The following SLIT3 variants were observed in gnomAD, a reference collection of about 807,000 sequenced individuals.
SLIT3 encodes slit homolog 3 protein.
In SLIT3, 68 loss-of-function variants were observed where a neutral mutation model predicts 184.0. That is an observed-to-expected ratio of 0.37 (90% confidence interval 0.30 to 0.45). The LOEUF (loss-of-function observed/expected upper bound fraction) is 0.45, where lower values mean the gene tolerates loss of function less well. Ranked by LOEUF, SLIT3 falls within the 20% of genes least tolerant of loss-of-function variation. SLIT3 has a pLI of 1.00. For missense variants in SLIT3, 1,707 were observed against 2,026.0 expected (o/e 0.84, Z 3.02); for synonymous variants, 831 against 828.6 (o/e 1.00, Z -0.05).
rs150346852 is a variant in SLIT3, at chr5:168,851,882, G to C, written c.486-7227C>G. Among the ~76,000 whole-genome samples, 5 of 152,288 alleles carry C rather than the reference G, an allele frequency of 3.3e-5. No individual in the cohort carries two copies. The East Asian group carries it at 9.6e-4, about 29-fold the overall frequency. On this transcript the variant is annotated intron_variant, in intron 5 of 35. Coordinates refer to ENST00000519560, the MANE Select transcript of SLIT3 (RefSeq NM_003062.4). ...ACTCGCAAACCCAGCTTTCAGTTCTGTTGGCTCTAAAAGGCTCCTCACTGC... is the reference window on the plus strand; with the variant it reads ...ACTCGCAAACCCAGCTTTCAGTTCTCTTGGCTCTAAAAGGCTCCTCACTGC...
At chr5:169,083,837 T>G (rs895271294) in intron 4 of SLIT3, among the ~76,000 whole-genome samples, 2 of 152,166 alleles carry the variant, frequency 1.3e-5, no homozygotes, top group Non-Finnish European at 2.9e-5. Context: ...GTCTGGCAAT[T>G]AAAGAGGAAG....
Position 168,817,406 on chromosome 5 carries a change from C to T in SLIT3, c.687G>A (p.Trp229Ter). The change falls in exon 8 of 36, where the codon TGG (tryptophan) becomes TGA (stop). Residue 229 changes from tryptophan (W) to a stop codon, truncating the protein, a stop_gained. Coordinates refer to ENST00000519560, the MANE Select transcript of SLIT3 (RefSeq NM_003062.4). LOFTEE classifies it high-confidence loss of function. ...GGCCAACTGTCCGTCGCTGTCGCAG[C>T]CAATCCGAGAGCCAGGCCAGGTGGC... ...CDCHLAWLSDWLRQRRTVGQF... is the reference protein window; with the variant it reads ...CDCHLAWLSD The T allele has an allele frequency of 6.2e-7, 1 of 1,614,228 alleles. No homozygotes were observed. Among genetic ancestry groups the T allele is most frequent in the Non-Finnish European group, 8.5e-7 (1 of 1,180,036 alleles).
At chr5:168,785,558 G>C (rs1756123933) in intron 12 of SLIT3, among the ~76,000 whole-genome samples, 1 of 152,216 alleles carries the variant, frequency 6.6e-6, no homozygotes, top group African/African-American at 2.4e-5. Flanking sequence ...GGATGTTTTA[G>C]TTCCTTACAT....
chr5:168,847,199 T>TTTTATATTTTATATA (rs1402033140), intron 5 of SLIT3, among the ~76,000 whole-genome samples: 12 of 152,262 alleles, frequency 7.9e-5, no homozygotes, highest in Non-Finnish European at 1.6e-4. Flanking sequence ...AGCTTTACTA[T>TTTTATATTTTATATA]AAGCATCTCT....
chr5:168,678,802 C>T (rs193207451), intron 32 of SLIT3, among the ~76,000 whole-genome samples: 42 of 152,242 alleles, frequency 2.8e-4, no homozygotes, highest in Admixed American at 2.4e-3. Context: ...TAGTAACAAC[C>T]TAAGGTTCAC....
chr5:169,043,117 A>G (rs1297478386), intron 4 of SLIT3, among the ~76,000 whole-genome samples: 1 of 152,182 alleles, frequency 6.6e-6, no homozygotes, highest in African/African-American at 2.4e-5. Context: ...TTACTTCTCA[A>G]AACAGCCCTG....
intron 32 of SLIT3, among the ~76,000 whole-genome samples, chr5:168,675,403 A>G (rs1477425515): frequency 6.6e-6 from 1 of 152,206 alleles, no homozygotes; most frequent in Non-Finnish European, 1.5e-5. Flanking sequence ...AAATTGGGGT[A>G]TACTGAAGAA....
At chr5:169,157,835 A>G (rs920773221) in intron 4 of SLIT3, among the ~76,000 whole-genome samples, 18 of 152,204 alleles carry the variant, frequency 1.2e-4, no homozygotes, top group African/African-American at 4.3e-4. Context: ...AACAAAGAAA[A>G]AAGAACCAAA....
At chr5:169,231,982 C>T (rs1224895563) in intron 3 of SLIT3, among the ~76,000 whole-genome samples, 1 of 152,180 alleles carries the variant, frequency 6.6e-6, no homozygotes, top group Non-Finnish European at 1.5e-5. Flanking sequence ...GTCCAAAACT[C>T]TCACCCATTT....
chr5:168,709,720 G>C (rs1488505324), intron 25 of SLIT3, among the ~76,000 whole-genome samples: 8 of 146,326 alleles, frequency 5.5e-5, no homozygotes, highest in Admixed American at 5.3e-4. Context: ...TAAGTATTAA[G>C]CCTCTCAGAG....
intron 4 of SLIT3, among the ~76,000 whole-genome samples, chr5:169,178,364 T>TA (rs1319054085): frequency 6.6e-6 from 1 of 152,182 alleles, no homozygotes; most frequent in Non-Finnish European, 1.5e-5. Flanking sequence ...TCTCCAATTG[T>TA]AAAATGAGGG....
chr5:168,938,316 T>C (rs1762224253), intron 4 of SLIT3, among the ~76,000 whole-genome samples: 1 of 152,222 alleles, frequency 6.6e-6, no homozygotes, highest in Non-Finnish European at 1.5e-5. Flanking sequence ...TGGATAAATC[T>C]CTAACTTTCA....
rs150270070 is a variant in SLIT3, at chr5:169,097,892, G to C, written c.413+95587C>G. ...CAGTCCGTTTCATGCCAACTGAAAA[G>C]CTGAGACCTGCCAAGGCCTGAGCTT... On this transcript the variant is annotated intron_variant, in intron 4 of 35. Transcript: ENST00000519560. Among the ~76,000 whole-genome samples, 1,093 of 152,344 alleles carry C rather than the reference G, an allele frequency of 7.2e-3. 10 individuals carry two copies. The highest frequency in any genetic ancestry group is 0.012 in the Non-Finnish European group (817 of 68,024).
At chr5:169,060,010 A>T (rs1229266970) in intron 4 of SLIT3, among the ~76,000 whole-genome samples, 1 of 152,250 alleles carries the variant, frequency 6.6e-6, no homozygotes, top group East Asian at 1.9e-4. Flanking sequence ...CACAGAAAGA[A>T]GCCAGCCATC....
chr5:169,149,039 G>T (rs1048756559), intron 4 of SLIT3, among the ~76,000 whole-genome samples: 1 of 152,112 alleles, frequency 6.6e-6, no homozygotes, highest in Non-Finnish European at 1.5e-5. Flanking sequence ...TGCATGACCC[G>T]CCAAAAGCTA....
chr5:169,190,452 T>C (rs1763516596), intron 4 of SLIT3, among the ~76,000 whole-genome samples: 1 of 152,212 alleles, frequency 6.6e-6, no homozygotes, highest in Non-Finnish European at 1.5e-5. Flanking sequence ...ATTGCCTCTT[T>C]GGGCTAAACT....
At chr5:169,118,384 C>T (rs1760766949) in intron 4 of SLIT3, among the ~76,000 whole-genome samples, 2 of 152,174 alleles carry the variant, frequency 1.3e-5, no homozygotes, top group Admixed American at 1.3e-4. Flanking sequence ...TTGAACTGGT[C>T]TCCCTAGTGA....
In SLIT3 at chr5:169,300,699, C is replaced by A. The variant is rs1767655848; in HGVS notation, c.11G>T (p.Gly4Val). The change falls in exon 1 of 36, where the codon GGG becomes GTG. Residue 4 changes from glycine to valine, a missense_variant. Physicochemically the swap from Gly to Val is moderately radical, Grantham distance 109 (BLOSUM62 -3). Transcript: ENST00000519560. The surrounding 1 kb of genome is among the most constrained non-coding windows in gnomAD (Gnocchi z 4.1). ...CACGGCGGCGCCGACCCCTGCCCAC[C>A]CGGGGGCCATGGTGTGCAGGGCCCC... is the stretch of plus-strand genomic sequence containing the variant. MAPGWAGVGAAVRA... is the reference protein window; with the variant it reads MAPVWAGVGAAVRA... 2.2e-6 allele frequency: 3 copies of A among 1,368,264 alleles called. No individual in the cohort carries two copies. Among genetic ancestry groups the A allele is most frequent in the Non-Finnish European group, 2.8e-6 (3 of 1,068,950 alleles). The allele number at this position is 1,368,264 out of a possible 1,614,324, so 84.8% of individuals were successfully genotyped here. A position where few individuals can be genotyped will look rare whatever the true frequency, so the allele number is the denominator to read the frequency against.
chr5:168,748,562 G>T, intron 19 of SLIT3, 128 bp from the exon 20 acceptor site: 1 of 908,948 alleles, frequency 1.1e-6, no homozygotes, highest in Non-Finnish European at 1.5e-6. Flanking sequence ...CTAGAACCAG[G>T]AAGAGGGTAC....
Sources: allele counts gnomAD v4.1 joint callset (sites outside exome capture counted in the v4.1 genomes callset), GRCh38; gene constraint gnomAD v4.1.1; non-coding constraint Gnocchi (gnomAD v3.1); transcripts MANE v1.5; gene names NCBI Gene and HGNC (gene_info 2026-07-23, HGNC 2026-07-21).